The following NRXN3 variants were observed in gnomAD, a reference collection of about 807,000 sequenced individuals.
NRXN3 encodes neurexin III.
A neutral mutation model predicts 137.6 loss-of-function variants in NRXN3; 32 were observed. The ratio of observed to expected loss-of-function variants is 0.23; its 90% CI spans 0.18 to 0.31. The LOEUF (loss-of-function observed/expected upper bound fraction) is 0.31, where lower values mean the gene tolerates loss of function less well. NRXN3 is among the 10% of genes least tolerant of loss of function. The pLI is 1.00. For synonymous variants in NRXN3, 798 were observed against 784.5 expected, an observed-to-expected ratio of 1.02 and a Z score of -0.29; for missense variants, 1,574 against 2,062.5, an observed-to-expected ratio of 0.76 and a Z score of 4.59.
intron 16 of NRXN3, among the ~76,000 whole-genome samples, chr14:79,556,324 G>A (rs1270082760): frequency 6.6e-6 from 1 of 152,128 alleles, no homozygotes; most frequent in East Asian, 1.9e-4. Context: ...GGAAAGCTGA[G>A]TAAAGAAGAT....
At chr14:79,398,739 G>A (rs2095099563) in intron 15 of NRXN3, among the ~76,000 whole-genome samples, 1 of 152,086 alleles carries the variant, frequency 6.6e-6, no homozygotes. Flanking sequence ...GCTGGGCGTG[G>A]TTGTTCATGC....
chr14:79,545,512 A>C (rs1186604584), intron 16 of NRXN3, among the ~76,000 whole-genome samples: 5 of 152,130 alleles, frequency 3.3e-5, no homozygotes, highest in South Asian at 2.1e-4. Context: ...ATGATAGGCA[A>C]GCTCCCTATT....
chr14:79,722,516 G>C (rs1160811012), intron 19 of NRXN3, among the ~76,000 whole-genome samples: 1 of 151,998 alleles, frequency 6.6e-6, no homozygotes, highest in East Asian at 1.9e-4. Context: ...GTATAAACAT[G>C]CTGGTTCCTC....
At chr14:79,476,308 T>A (rs560132851) in intron 16 of NRXN3, among the ~76,000 whole-genome samples, 1 of 152,204 alleles carries the variant, frequency 6.6e-6, no homozygotes, top group Admixed American at 6.5e-5. Context: ...CAGAGGGAAC[T>A]GTATAACTAC....
chr14:79,749,997 G>T (rs1044610114), intron 19 of NRXN3, among the ~76,000 whole-genome samples: 2 of 152,118 alleles, frequency 1.3e-5, no homozygotes, highest in African/African-American at 4.8e-5. Flanking sequence ...AGAATCACTT[G>T]CTTTCAGATA....
chr14:78,308,842 AAAT>A (rs1421440339), intron 4 of NRXN3, among the ~76,000 whole-genome samples: 1 of 152,172 alleles, frequency 6.6e-6, no homozygotes, highest in Non-Finnish European at 1.5e-5. Context: ...GAAATATTTG[AAAT>A]AAATTTGTTA....
chr14:79,018,279 AAAAAAAAAAAAAAAAAAG>A (rs1287644443), intron 15 of NRXN3, among the ~76,000 whole-genome samples: 10 of 63,042 alleles, frequency 1.6e-4, no homozygotes, highest in East Asian at 5.4e-4. Context: ...AAAAAAAAAA[AAAAAAAAAAAAAAAAAAG>A]AGAGAGAGCA....
At chr14:79,757,004 G>T (rs575521545) in intron 19 of NRXN3, among the ~76,000 whole-genome samples, 1 of 152,284 alleles carries the variant, frequency 6.6e-6, no homozygotes, top group South Asian at 2.1e-4. Flanking sequence ...CTGTGGCCTT[G>T]TTGGAACGCC....
chr14:79,322,339 G>A (rs901415920), intron 15 of NRXN3, among the ~76,000 whole-genome samples: 2 of 152,082 alleles, frequency 1.3e-5, no homozygotes, highest in Admixed American at 1.3e-4. Flanking sequence ...AGAGTTTACA[G>A]GAGGACACCG....
At chr14:79,060,604 A>G (rs534357497) in intron 15 of NRXN3, among the ~76,000 whole-genome samples, 87 of 152,222 alleles carry the variant, frequency 5.7e-4, no homozygotes, top group African/African-American at 1.8e-3. Flanking sequence ...TAATATGATG[A>G]AAAGAATTTG....
chr14:79,718,539 A>G (rs879932100), intron 19 of NRXN3, among the ~76,000 whole-genome samples: 17 of 152,192 alleles, frequency 1.1e-4, no homozygotes, highest in Non-Finnish European at 2.2e-4. Context: ...GGAGGCAGAG[A>G]GACCTAATAC....
chr14:78,854,166 C>A (rs894733555), intron 10 of NRXN3, among the ~76,000 whole-genome samples: 1 of 152,176 alleles, frequency 6.6e-6, no homozygotes, highest in Non-Finnish European at 1.5e-5. Flanking sequence ...TGTCATATAT[C>A]CTTGGCAGCT....
At position 78,831,534 on chromosome 14, in the gene NRXN3, C is replaced by CAAAAA. The variant is rs372852083; in HGVS notation, c.2275+21213_2275+21217dup. ...TGGGTGACAGAGGGAGACTCCATGT[C>CAAAAA]AAAAAAAAAAAAAAAAAAAAAAAAA... On this transcript the variant is annotated intron_variant, in intron 10 of 20. Transcript: ENST00000335750. 7.6e-4 allele frequency among the ~76,000 whole-genome samples: 44 copies of CAAAAA among 58,188 alleles called. 1 individual carries two copies. Among genetic ancestry groups the CAAAAA allele is most frequent in the African/African-American group, 2.4e-3 (28 of 11,664 alleles). The allele number at this position is 58,188 out of a possible 152,430, so 38.2% of individuals were successfully genotyped here.
chr14:78,249,023 G>A (rs1340837746), intron 2 of NRXN3, among the ~76,000 whole-genome samples: 1 of 152,184 alleles, frequency 6.6e-6, no homozygotes, highest in African/African-American at 2.4e-5. Flanking sequence ...TATACTGTAT[G>A]CTAAATGGCA....
chr14:78,803,991 G>A lies in NRXN3; in HGVS notation c.2248+168G>A, dbSNP rs187912863. On this transcript the variant is annotated intron_variant, in intron 9 of 20. Coordinates refer to ENST00000335750, the MANE Select transcript of NRXN3 (RefSeq NM_001330195.2). ...CAACAGCAGCGATCACCTTCTCCTTGTTTCTGCATGAGGTTTTGATGTCAA... is the reference window on the plus strand; with the variant it reads ...CAACAGCAGCGATCACCTTCTCCTTATTTCTGCATGAGGTTTTGATGTCAA... 2.0e-5 allele frequency among the ~76,000 whole-genome samples: 3 copies of A among 152,254 alleles called. No homozygotes were observed. In the East Asian group the frequency reaches 5.8e-4, roughly 29 times the overall value.
At chr14:78,986,633 GAATT>G (rs2099506139) in intron 14 of NRXN3, among the ~76,000 whole-genome samples, 1 of 151,994 alleles carries the variant, frequency 6.6e-6, no homozygotes, top group Non-Finnish European at 1.5e-5. Flanking sequence ...AAATAATTTA[GAATT>G]AATTAAAAGA....
At chr14:79,525,879 A>G (rs2097113959) in intron 16 of NRXN3, among the ~76,000 whole-genome samples, 1 of 151,974 alleles carries the variant, frequency 6.6e-6, no homozygotes, top group African/African-American at 2.4e-5. Flanking sequence ...GGAGCTTTCT[A>G]CCTTTTTATT....
chr14:79,139,548 C>A (rs2058590321), intron 15 of NRXN3, among the ~76,000 whole-genome samples: 1 of 152,106 alleles, frequency 6.6e-6, no homozygotes. Flanking sequence ...TGTCCTGTAA[C>A]TTCACAGATA....
chr14:79,708,308 G>C lies in NRXN3; in HGVS notation c.4014+10371G>C, dbSNP rs186243836. ...GATGATTTAAAATGCACAGGAAGATGTGTATAGGTTACATGCAAATACTAT... is the reference window on the plus strand; with the variant it reads ...GATGATTTAAAATGCACAGGAAGATCTGTATAGGTTACATGCAAATACTAT... On this transcript the variant is annotated intron_variant, in intron 19 of 20. Coordinates refer to ENST00000335750, the MANE Select transcript of NRXN3 (RefSeq NM_001330195.2). 3.9e-5 allele frequency among the ~76,000 whole-genome samples: 6 copies of C among 152,266 alleles called. No individual in the cohort carries two copies. The East Asian group carries it at 1.2e-3, about 29-fold the overall frequency.
Sources: allele counts gnomAD v4.1 joint callset (sites outside exome capture counted in the v4.1 genomes callset), GRCh38; gene constraint gnomAD v4.1.1; transcripts MANE v1.5; gene names NCBI Gene and HGNC (gene_info 2026-07-23, HGNC 2026-07-21).